The following NRG1 variants were observed in gnomAD, a reference collection of about 807,000 sequenced individuals.
NRG1 encodes the protein pro-neuregulin-1, membrane-bound isoform.
A neutral mutation model predicts 63.8 loss-of-function variants in NRG1; 18 were observed. The ratio of observed to expected loss-of-function variants is 0.28; its 90% CI spans 0.19 to 0.42. The LOEUF (loss-of-function observed/expected upper bound fraction) is 0.42, where lower values mean the gene tolerates loss of function less well. Ranked by LOEUF, NRG1 falls within the 10% of genes least tolerant of loss-of-function variation. The pLI is 1.00. For synonymous variants in NRG1, 302 were observed against 301.3 expected (o/e 1.00, Z -0.02); for missense variants, 762 against 814.7 (o/e 0.94, Z 0.79).
chr8:31,691,670 G>A (rs189714646), intron 1 of NRG1, among the ~76,000 whole-genome samples: 37 of 140,652 alleles, frequency 2.6e-4, no homozygotes, highest in African/African-American at 7.3e-4. Flanking sequence ...AAAAATAACC[G>A]TTAATTTTAA....
intron 1 of NRG1, among the ~76,000 whole-genome samples, chr8:32,159,337 A>G (rs1248546103): frequency 6.6e-6 from 1 of 151,562 alleles, no homozygotes; most frequent in Admixed American, 6.6e-5. Context: ...GATCGAGACC[A>G]TCCTGGCTAA....
chr8:31,769,176 CA>C (rs202206181), intron 1 of NRG1, among the ~76,000 whole-genome samples: 1 of 152,138 alleles, frequency 6.6e-6, no homozygotes, highest in East Asian at 1.9e-4. Flanking sequence ...AACATTATTT[CA>C]TTTTACCTAT....
chr8:31,652,832 G>T (rs1804986789), intron 1 of NRG1, among the ~76,000 whole-genome samples: 1 of 152,014 alleles, frequency 6.6e-6, no homozygotes, highest in African/African-American at 2.4e-5. Context: ...ATGTGTGATT[G>T]ACTTTTCTTT....
chr8:32,731,002 A>G (rs956880524), intron 6 of NRG1, among the ~76,000 whole-genome samples: 1 of 152,218 alleles, frequency 6.6e-6, no homozygotes, highest in Non-Finnish European at 1.5e-5. Context: ...TTTTAATTAT[A>G]GTAATGAAAT....
chr8:32,039,387 G>A (rs2130625535), intron 1 of NRG1, among the ~76,000 whole-genome samples: 1 of 152,208 alleles, frequency 6.6e-6, no homozygotes, highest in Middle Eastern at 3.4e-3. Flanking sequence ...AATAGAGGAG[G>A]AGGCAATGGA....
At chr8:32,296,204 T>A (rs1854847500) in intron 1 of NRG1, among the ~76,000 whole-genome samples, 1 of 152,086 alleles carries the variant, frequency 6.6e-6, no homozygotes, top group Non-Finnish European at 1.5e-5. Context: ...GAACCCCATA[T>A]CTATCTATAT....
intron 1 of NRG1, among the ~76,000 whole-genome samples, chr8:32,223,189 C>T (rs74816861): frequency 3.3e-5 from 5 of 152,244 alleles, no homozygotes; most frequent in East Asian, 3.9e-4. Flanking sequence ...AATTACTAGA[C>T]AAGATATAAA....
At chr8:31,781,456 A>T (rs921505954) in intron 1 of NRG1, among the ~76,000 whole-genome samples, 15 of 152,296 alleles carry the variant, frequency 9.8e-5, no homozygotes, top group East Asian at 5.8e-4. Flanking sequence ...CCTCGTTACC[A>T]AAACCTTGTG....
intron 1 of NRG1, among the ~76,000 whole-genome samples, chr8:32,330,687 TC>T (rs1296471546): frequency 6.6e-6 from 1 of 152,184 alleles, no homozygotes; most frequent in African/African-American, 2.4e-5. Context: ...TGAGGGTAGT[TC>T]CTAGGAAGCT....
At chr8:32,434,287 G>T (rs114830880) in intron 1 of NRG1, among the ~76,000 whole-genome samples, 247 of 152,236 alleles carry the variant, frequency 1.6e-3, no homozygotes, top group African/African-American at 5.8e-3. Context: ...GCTAAACGTT[G>T]TATATATGTT....
chr8:31,784,649 T>G (rs923449170), intron 1 of NRG1, among the ~76,000 whole-genome samples: 1 of 152,144 alleles, frequency 6.6e-6, no homozygotes, highest in Non-Finnish European at 1.5e-5. Flanking sequence ...AGCAGGGTTC[T>G]GGGGCTACAC....
chr8:32,609,959 T>C (rs1412827016), intron 3 of NRG1, among the ~76,000 whole-genome samples: 2 of 151,364 alleles, frequency 1.3e-5, no homozygotes, highest in African/African-American at 4.9e-5. Flanking sequence ...GTGTGAACCA[T>C]CACACCCGGT....
Position 31,987,348 on chromosome 8 carries a change from GTA to G in NRG1, c.37+347919_37+347920del, listed in dbSNP as rs111450459. ...TGTGTGTGTGTGTGTGTGTGTGTGT[GTA>G]TGTGTGTGAAATTATGACAGAATTT... On this transcript the variant is annotated intron_variant, in intron 1 of 10. Transcript: ENST00000519301. Among the ~76,000 whole-genome samples the G allele has an allele frequency of 2.8e-3, 400 of 141,350 alleles. 4 individuals are homozygous for G. The highest frequency in any genetic ancestry group is 7.0e-3 in the African/African-American group (234 of 33,556). 92.7% of individuals were successfully genotyped at this position (141,350 alleles called of 152,430 possible). A position where few individuals can be genotyped will look rare whatever the true frequency, so the allele number is the denominator to read the frequency against.
intron 6 of NRG1, among the ~76,000 whole-genome samples, chr8:32,733,487 AT>A (rs1409828507): frequency 1.3e-5 from 2 of 152,176 alleles, no homozygotes; most frequent in African/African-American, 4.8e-5. Flanking sequence ...TAAATGAAAT[AT>A]TTATCAAATT....
At chr8:31,863,040 G>A (rs1262599205) in intron 1 of NRG1, among the ~76,000 whole-genome samples, 1 of 152,282 alleles carries the variant, frequency 6.6e-6, no homozygotes. Flanking sequence ...AGGGGTAGAG[G>A]TTGCAGAGCT....
At chr8:32,056,180 G>C (rs989305416) in intron 1 of NRG1, among the ~76,000 whole-genome samples, 1 of 152,086 alleles carries the variant, frequency 6.6e-6, no homozygotes, top group African/African-American at 2.4e-5. Flanking sequence ...TTGTCTCCCT[G>C]TAGATTAGTG....
intron 1 of NRG1, among the ~76,000 whole-genome samples, chr8:32,421,416 G>A (rs1816685373): frequency 6.6e-6 from 1 of 152,142 alleles, no homozygotes; most frequent in Non-Finnish European, 1.5e-5. Context: ...TCTGAGCCTG[G>A]AGCTTCTCTC....
intron 1 of NRG1, among the ~76,000 whole-genome samples, chr8:32,250,977 T>G (rs1374113410): frequency 6.6e-6 from 1 of 152,074 alleles, no homozygotes; most frequent in Admixed American, 6.6e-5. Flanking sequence ...GAATGGTTCA[T>G]GTTAATTGGA....
In NRG1 at chr8:32,004,389, T is replaced by C. The variant is rs1027333802; in HGVS notation, c.37+364958T>C. Among the ~76,000 whole-genome samples the C allele has an allele frequency of 2.4e-4, 36 of 151,300 alleles. 1 individual carries two copies. The highest frequency in any genetic ancestry group is 7.4e-5 in the Non-Finnish European group (5 of 67,824). On this transcript the variant is annotated intron_variant, in intron 1 of 10. Coordinates refer to the NRG1 transcript ENST00000519301. ...GCACAACACCGAGAGTGAAATCTAA[T>C]GTAAACTATGACCTTTAATTAGTAA...
Sources: gnomAD v4.1 joint callset for allele counts (sites outside exome capture counted in the v4.1 genomes callset) on GRCh38, gnomAD v4.1.1 for gene constraint, MANE v1.5 for transcripts, NCBI Gene and HGNC (gene_info 2026-07-23, HGNC 2026-07-21) for gene names.